EIF4ENIF1: variants seen among roughly 807,000 people sequenced by gnomAD.
EIF4ENIF1 encodes eukaryotic translation initiation factor 4E nuclear import factor 1.
A neutral mutation model predicts 110.5 loss-of-function variants in EIF4ENIF1; 23 were observed. That is an observed-to-expected ratio of 0.21 (90% CI 0.15 to 0.29). The LOEUF is 0.29. Ranked by LOEUF, EIF4ENIF1 falls within the 10% of genes least tolerant of loss-of-function variation. The pLI is 1.00. For missense variants in EIF4ENIF1, 1,031 were observed against 1,221.1 expected, an observed-to-expected ratio of 0.84 and a Z score of 2.32; for synonymous variants, 440 against 437.0, an observed-to-expected ratio of 1.01 and a Z score of -0.09.
chr22:31,442,860 T>G lies in EIF4ENIF1; in HGVS notation c.2206+102A>C. Reference sequence around the variant, plus strand: ...CATAGTCCAGAGAAGCTAGTGGTCTTGCCCAGGGCTTTGTATAGAATATCA... The same window carrying G: ...CATAGTCCAGAGAAGCTAGTGGTCTGGCCCAGGGCTTTGTATAGAATATCA... On this transcript the variant is annotated intron_variant, in intron 16 of 18. Coordinates refer to ENST00000330125, the MANE Select transcript of EIF4ENIF1 (RefSeq NM_019843.4). The G allele has an allele frequency of 2.0e-6, 3 of 1,463,706 alleles. No individual in the cohort carries two copies. In the South Asian group the frequency reaches 4.1e-5, roughly 20 times the overall value. 90.7% of individuals were successfully genotyped at this position (1,463,706 alleles called of 1,614,324 possible).
At position 31,454,185 on chromosome 22, in the gene EIF4ENIF1, T is replaced by C. The variant is rs760101378; in HGVS notation, c.1471A>G (p.Met491Val). 3 of 1,614,112 alleles carry C rather than the reference T, an allele frequency of 1.9e-6. No individual in the cohort carries two copies. The highest frequency in any genetic ancestry group is 1.3e-5 in the African/African-American group (1 of 74,946). Residue 491 changes from methionine (M) to valine (V), a missense_variant, in exon 10 of 19, where the codon ATG (methionine) becomes GTG (valine). By Grantham distance (21) the Met-to-Val change is conservative. Around this residue, in one of 3 missense-constraint regions of EIF4ENIF1, gnomAD observed 704 missense variants for 879.7 expected, o/e 0.80. Coordinates refer to ENST00000330125, the MANE Select transcript of EIF4ENIF1 (RefSeq NM_019843.4). ...GAAGGCAAAGTCCCACTTGCCTTCA[T>C]TGTGCTCACTAGCTTGTTGAACGCA... The part of the protein sequence containing the change: ...MTAFNKLVST[M>V]KASGTLPSQP...
chr22:31,475,578 C>A (rs879367401), intron 2 of EIF4ENIF1, among the ~76,000 whole-genome samples: 6 of 152,028 alleles, frequency 3.9e-5, no homozygotes, highest in Non-Finnish European at 5.9e-5. Flanking sequence ...ATGGTGAAAC[C>A]CTGTCTCTAC....
chr22:31,437,662 C>G (rs1013408898), downstream of EIF4ENIF1: 1 of 152,128 alleles, frequency 6.6e-6, no homozygotes, highest in Non-Finnish European at 1.5e-5. Context: ...CCTTTACTAG[C>G]AGCTTCAACC....
At chr22:31,460,344 C>T (rs903747060) in intron 6 of EIF4ENIF1, among the ~76,000 whole-genome samples, 26 of 152,230 alleles carry the variant, frequency 1.7e-4, no homozygotes, top group African/African-American at 2.9e-4. Context: ...ATTAAAATAG[C>T]TTTCCCAGAC....
Position 31,463,967 on chromosome 22 carries a change from T to C in EIF4ENIF1, c.299A>G (p.Asp100Gly), listed in dbSNP as rs1455469573. Residue 100 changes from aspartate to glycine, a missense_variant and splice_region_variant, in exon 5 of 19, where the codon GAT (aspartate) becomes GGT (glycine). Physicochemically the swap from Asp to Gly is moderately conservative, Grantham distance 94. Coordinates refer to ENST00000330125, the MANE Select transcript of EIF4ENIF1 (RefSeq NM_019843.4). The part of the protein sequence containing the change: ...DRPSLVRRIV[D>G]PRERVKEDDL... ...ATCTTCTTTCACACGCTCTCGTGGATCTGGAAGGACGTGGGAAAGACAAAG... is the reference window on the plus strand; with the variant it reads ...ATCTTCTTTCACACGCTCTCGTGGACCTGGAAGGACGTGGGAAAGACAAAG... 1 of 1,610,164 alleles carries C rather than the reference T, an allele frequency of 6.2e-7. No individual in the cohort carries two copies. The highest frequency in any genetic ancestry group is 8.5e-7 in the Non-Finnish European group (1 of 1,178,618).
chr22:31,478,662 A>T (rs1245872892), intron 2 of EIF4ENIF1, among the ~76,000 whole-genome samples: 2 of 151,944 alleles, frequency 1.3e-5, no homozygotes, highest in African/African-American at 2.4e-5. Context: ...CTGAAAATAC[A>T]AAAAAATGGC....
In EIF4ENIF1 at chr22:31,455,262, G is replaced by A. The variant is rs1221599407; in HGVS notation, c.1153C>T (p.Pro385Ser). The A allele has an allele frequency of 6.2e-7, 1 of 1,612,910 alleles. No individual in the cohort carries two copies. The highest frequency in any genetic ancestry group is 8.5e-7 in the Non-Finnish European group (1 of 1,179,630). Residue 385 changes from proline to serine, a missense_variant, in exon 9 of 19, where the codon CCT becomes TCT. Coordinates refer to ENST00000330125, the MANE Select transcript of EIF4ENIF1 (RefSeq NM_019843.4). ...PGQNSGNYFA[P>S]IPLEDHAENK... ...TCAGCATGGTCTTCCAATGGTATAGGAGCAAAGTAATTCCCCGAGTTCTGT... is the reference window on the plus strand; with the variant it reads ...TCAGCATGGTCTTCCAATGGTATAGAAGCAAAGTAATTCCCCGAGTTCTGT...
downstream of EIF4ENIF1, among the ~76,000 whole-genome samples, chr22:31,439,038 A>AAACTT (rs905802922): frequency 6.6e-5 from 10 of 152,304 alleles, no homozygotes; most frequent in African/African-American, 1.7e-4. Flanking sequence ...TTTTCAAGAA[A>AAACTT]AACTTAACTT....
chr22:31,468,587 G>T (rs1350182630), intron 3 of EIF4ENIF1, among the ~76,000 whole-genome samples: 1 of 152,122 alleles, frequency 6.6e-6, no homozygotes, highest in Admixed American at 6.5e-5. Context: ...TAGAGATGGG[G>T]TTTCACCAGT....
chr22:31,456,520 G>T (rs1468508029), intron 7 of EIF4ENIF1, among the ~76,000 whole-genome samples: 1 of 147,122 alleles, frequency 6.8e-6, no homozygotes, highest in African/African-American at 2.5e-5. Flanking sequence ...ACCACACCCG[G>T]TCTACTATTT....
chr22:31,455,013 T>C, intron 9 of EIF4ENIF1, 123 bp downstream of exon 9: 1 of 800,202 alleles, frequency 1.2e-6, no homozygotes, highest in South Asian at 2.8e-5. Flanking sequence ...AAAAGAACAT[T>C]AAACAAAAAC....
At chr22:31,481,546 G>C (rs1378771617) in intron 2 of EIF4ENIF1, among the ~76,000 whole-genome samples, 2 of 152,136 alleles carry the variant, frequency 1.3e-5, no homozygotes, top group South Asian at 2.1e-4. Context: ...GTTTATAAAA[G>C]ATACATTTAG....
At position 31,439,916 on chromosome 22, in the gene EIF4ENIF1, T is replaced by C. The variant is rs1243688421; in HGVS notation, c.2922A>G (p.Lys974=). Residue 974 remains lysine, a synonymous_variant, in exon 19 of 19, where the codon AAA becomes AAG. Coordinates refer to ENST00000330125, the MANE Select transcript of EIF4ENIF1 (RefSeq NM_019843.4). ...ATTCCAATTCATCTACACTGATAAC[T>C]TTGGCGGGCATGGAGGGCAGGGGTT... ...LQQPLPSMPA[K]VISVDELEYR... The C allele has an allele frequency of 6.2e-7, 1 of 1,614,076 alleles. No individual in the cohort carries two copies. The highest frequency in any genetic ancestry group is 2.2e-5 in the East Asian group (1 of 44,886).
rs572601729 is a variant in EIF4ENIF1 at position 31,456,277 on chromosome 22, G to A, written c.964-290C>T. On this transcript the variant is annotated intron_variant, in intron 7 of 18. Transcript: ENST00000330125. ...CTCGCTCTGTCACCCAGGCTGGAGTGCAGTGGCACGATCTCGGCTCACTGC... is the reference window on the plus strand; with the variant it reads ...CTCGCTCTGTCACCCAGGCTGGAGTACAGTGGCACGATCTCGGCTCACTGC... 1.4e-4 allele frequency among the ~76,000 whole-genome samples: 20 copies of A among 146,332 alleles called. No individual in the cohort carries two copies. In the South Asian group the frequency reaches 2.4e-3, roughly 17 times the overall value.
intron 10 of EIF4ENIF1, among the ~76,000 whole-genome samples, chr22:31,452,553 C>T (rs993429749): frequency 5.9e-5 from 9 of 152,060 alleles, no homozygotes; most frequent in Non-Finnish European, 1.0e-4. Flanking sequence ...TGTGGAAAAA[C>T]ATCAGGTAAA....
chr22:31,472,752 C>A (rs1460258199), intron 2 of EIF4ENIF1, among the ~76,000 whole-genome samples: 1 of 152,064 alleles, frequency 6.6e-6, no homozygotes, highest in Non-Finnish European at 1.5e-5. Flanking sequence ...CATGTATAAA[C>A]TGTGTAATGA....
upstream of EIF4ENIF1, among the ~76,000 whole-genome samples, chr22:31,490,508 G>C (rs1041316586): frequency 1.3e-5 from 2 of 152,190 alleles, no homozygotes; most frequent in Non-Finnish European, 2.9e-5. Flanking sequence ...AACTTGTCAC[G>C]ATTGGCTTTG....
At chr22:31,448,086 C>G (rs1478635815) in intron 13 of EIF4ENIF1, 67 bp downstream of exon 13, 13 of 1,548,112 alleles carry the variant, frequency 8.4e-6, no homozygotes, top group Non-Finnish European at 1.2e-5. Context: ...GTTCAGCTCT[C>G]CACTCCCCAT....
chr22:31,470,149 A>T (rs1253394508), intron 3 of EIF4ENIF1, among the ~76,000 whole-genome samples: 1 of 135,482 alleles, frequency 7.4e-6, no homozygotes, highest in Non-Finnish European at 1.6e-5. Context: ...AGGCAACAAG[A>T]GCGAAACTCC....
Sources: gnomAD v4.1 joint callset for allele counts (sites outside exome capture counted in the v4.1 genomes callset) on GRCh38, gnomAD v4.1.1 for gene constraint, gnomAD v4.1.1 regional missense constraint, MANE v1.5 for transcripts, NCBI Gene and HGNC (gene_info 2026-07-23, HGNC 2026-07-21) for gene names.